UST: variants seen among roughly 807,000 people sequenced by gnomAD.
UST encodes the protein uronyl 2-sulfotransferase.
In UST, 21 loss-of-function variants were observed where a neutral mutation model predicts 45.6. The ratio of observed to expected loss-of-function variants is 0.46; its 90% CI spans 0.33 to 0.66. UST has a LOEUF of 0.66. Among genes scored for constraint, UST ranks in the 30% least tolerant of loss-of-function variants. The probability of loss-of-function intolerance (pLI) is 0.02; values close to 1 mark genes in which losing one functional copy is unlikely to be tolerated. For missense variants in UST, 463 were observed against 512.4 expected, an observed-to-expected ratio of 0.90 and a Z score of 0.93; for synonymous variants, 215 against 200.6, an observed-to-expected ratio of 1.07 and a Z score of -0.61.
intron 1 of UST, among the ~76,000 whole-genome samples, chr6:148,811,482 CG>C (rs1318629527): frequency 6.6e-6 from 1 of 152,140 alleles, no homozygotes; most frequent in Non-Finnish European, 1.5e-5. Context: ...TGAGAATTGG[CG>C]CCATTTTAAA....
At chr6:149,035,789 C>G (rs1177415152) in intron 7 of UST, among the ~76,000 whole-genome samples, 2 of 150,668 alleles carry the variant, frequency 1.3e-5, no homozygotes, top group Non-Finnish European at 3.0e-5. Flanking sequence ...CGAAGAAAAG[C>G]TAATTGTAAG....
intron 1 of UST, among the ~76,000 whole-genome samples, chr6:148,821,877 A>G (rs931098714): frequency 3.9e-5 from 6 of 152,182 alleles, no homozygotes; most frequent in African/African-American, 9.7e-5. Context: ...TTCCATTACT[A>G]TCAGCATTTA....
At chr6:148,796,623 CAAAAAA>C (rs11465084) in intron 1 of UST, among the ~76,000 whole-genome samples, 7 of 88,958 alleles carry the variant, frequency 7.9e-5, no homozygotes, top group South Asian at 4.5e-4. Context: ...GACTCTGTCT[CAAAAAA>C]AAAAAAAAAA....
intron 3 of UST, among the ~76,000 whole-genome samples, chr6:148,942,792 T>C (rs1169249462): frequency 6.6e-6 from 1 of 152,192 alleles, no homozygotes; most frequent in Non-Finnish European, 1.5e-5. Flanking sequence ...GTTTTGTGTC[T>C]TTTATAATAC....
chr6:148,968,156 G>A (rs763209450), intron 5 of UST, among the ~76,000 whole-genome samples: 2 of 152,314 alleles, frequency 1.3e-5, no homozygotes, highest in Non-Finnish European at 2.9e-5. Context: ...GGACTGGGCC[G>A]AGTCCCACGC....
intron 1 of UST, among the ~76,000 whole-genome samples, chr6:148,781,495 G>C (rs1040979511): frequency 6.6e-6 from 1 of 152,218 alleles, no homozygotes; most frequent in Non-Finnish European, 1.5e-5. Flanking sequence ...GAAAGAAGCT[G>C]TTTCTGGAAC....
intron 2 of UST, among the ~76,000 whole-genome samples, chr6:148,936,886 T>A (rs747833354): frequency 1.3e-5 from 2 of 151,836 alleles, no homozygotes; most frequent in Admixed American, 6.6e-5. Context: ...GTAGAGACAG[T>A]GTTTCACCGT....
chr6:148,807,631 G>C (rs1241555966), intron 1 of UST, among the ~76,000 whole-genome samples: 1 of 152,142 alleles, frequency 6.6e-6, no homozygotes, highest in African/African-American at 2.4e-5. Flanking sequence ...CTCAGGGTGA[G>C]ACAGTGCGTG....
Position 148,790,290 on chromosome 6 carries a change from G to C in UST, c.247+42613G>C, listed in dbSNP as rs1776818672. On this transcript the variant is annotated intron_variant, in intron 1 of 7. Coordinates refer to ENST00000367463, the MANE Select transcript of UST (RefSeq NM_005715.3). The surrounding 1 kb of genome is among the most constrained non-coding windows in gnomAD (Gnocchi z 4.2). ...CCTCCAACTGGAATGAAAGCTTCTGGGAGTAGAGACCCCGTTTTGCTGTCT... is the reference window on the plus strand; with the variant it reads ...CCTCCAACTGGAATGAAAGCTTCTGCGAGTAGAGACCCCGTTTTGCTGTCT... 6.6e-6 allele frequency among the ~76,000 whole-genome samples: 1 copy of C among 152,120 alleles called. No homozygotes were observed. Among genetic ancestry groups the C allele is most frequent in the Non-Finnish European group, 1.5e-5 (1 of 68,016 alleles).
chr6:149,010,618 G>A (rs541893825), intron 5 of UST, among the ~76,000 whole-genome samples: 2 of 152,006 alleles, frequency 1.3e-5, no homozygotes, highest in Admixed American at 6.6e-5. Context: ...ATTTCGGCCG[G>A]GTCCAGTGGC....
chr6:148,938,754 T>C (rs1311568077), intron 2 of UST, among the ~76,000 whole-genome samples: 1 of 151,422 alleles, frequency 6.6e-6, no homozygotes, highest in Middle Eastern at 3.2e-3. Flanking sequence ...ATAATAGCTA[T>C]GAAAAATATA....
At chr6:148,892,172 T>A (rs1779032689) in intron 2 of UST, among the ~76,000 whole-genome samples, 1 of 152,090 alleles carries the variant, frequency 6.6e-6, no homozygotes, top group Non-Finnish European at 1.5e-5. Context: ...ATCTGAAGAG[T>A]CGTAGTCTGA....
At chr6:148,919,808 A>G (rs898141925) in intron 2 of UST, among the ~76,000 whole-genome samples, 2 of 152,178 alleles carry the variant, frequency 1.3e-5, no homozygotes, top group Admixed American at 1.3e-4. Flanking sequence ...TAGACTTTCC[A>G]GGGTGTTGCC....
intron 1 of UST, among the ~76,000 whole-genome samples, chr6:148,857,649 G>A (rs987491529): frequency 6.6e-6 from 1 of 151,482 alleles, no homozygotes; most frequent in Non-Finnish European, 1.5e-5. Context: ...ATTCCAGGTG[G>A]TCTTGAAGTG....
chr6:148,922,777 TTTA>T (rs529855804), intron 2 of UST, among the ~76,000 whole-genome samples: 1 of 149,108 alleles, frequency 6.7e-6, no homozygotes, highest in East Asian at 2.0e-4. Flanking sequence ...CTGGCCTTCT[TTTA>T]TTATTATTAT....
chr6:148,833,126 A>G (rs569905641), intron 1 of UST, among the ~76,000 whole-genome samples: 14 of 152,332 alleles, frequency 9.2e-5, no homozygotes, highest in Middle Eastern at 3.4e-3. Flanking sequence ...CTATGAAGAC[A>G]GTATCATAGG....
intron 1 of UST, among the ~76,000 whole-genome samples, chr6:148,843,178 A>G (rs560181617): frequency 5.9e-5 from 9 of 152,372 alleles, no homozygotes; most frequent in African/African-American, 2.2e-4. Context: ...AGGTGCCCCT[A>G]AAGTCCACAT....
intron 1 of UST, among the ~76,000 whole-genome samples, chr6:148,807,826 C>A (rs967947378): frequency 6.6e-6 from 1 of 152,144 alleles, no homozygotes; most frequent in Non-Finnish European, 1.5e-5. Flanking sequence ...TGTGATATAA[C>A]AAGATGTCAG....
intron 2 of UST, among the ~76,000 whole-genome samples, chr6:148,916,066 T>G (rs969201122): frequency 2.6e-5 from 4 of 151,016 alleles, no homozygotes; most frequent in African/African-American, 9.7e-5. Flanking sequence ...AAGTAAATGA[T>G]CTATTCAGCT....
Sources: gnomAD v4.1 joint callset for allele counts (sites outside exome capture counted in the v4.1 genomes callset) on GRCh38, gnomAD v4.1.1 for gene constraint, Gnocchi (gnomAD v3.1) non-coding constraint, MANE v1.5 for transcripts, NCBI Gene and HGNC (gene_info 2026-07-23, HGNC 2026-07-21) for gene names.